Variants in MED8 observed in about 807,000 individuals in gnomAD.
The protein encoded by MED8 is mediator of RNA polymerase II transcription subunit 8.
MED8 carries 22 observed loss-of-function variants against 34.8 expected under a neutral mutation model. That is an observed-to-expected ratio of 0.63 (90% CI 0.45 to 0.90). The LOEUF (loss-of-function observed/expected upper bound fraction) is 0.90, where lower values mean the gene tolerates loss of function less well. Among genes scored for constraint, MED8 ranks in the 40% least tolerant of loss-of-function variants. MED8 has a pLI of 0.00. For missense variants in MED8, 260 were observed against 326.3 expected, an observed-to-expected ratio of 0.80 and a Z score of 1.57; for synonymous variants, 105 against 120.2, an observed-to-expected ratio of 0.87 and a Z score of 0.83.
intron 3 of MED8, 41 bp from the exon 4 acceptor site, chr1:43,387,039 A>C: frequency 6.2e-7 from 1 of 1,605,874 alleles, no homozygotes; most frequent in African/African-American, 1.3e-5. Context: ...CTGTACTCCA[A>C]GAAGATTCTA....
rs778706031 is a variant in MED8, at chr1:43,388,374, C to G, written c.61G>C (p.Asp21His). Residue 21 changes from aspartate (D) to histidine (H), a missense_variant, in exon 2 of 7, where the codon GAT becomes CAT. By Grantham distance (81) the Asp-to-His change is moderately conservative. Coordinates refer to ENST00000372457, the MANE Select transcript of MED8 (RefSeq NM_201542.5). ...AAACTCCCCAGAGAGTTCTTCAGAT[C>G]AGCCACTTGACTCAGCAGTGCATCT... Reference protein sequence around the residue: ...SLDALLSQVADLKNSLGSFIC... With the variant: ...SLDALLSQVAHLKNSLGSFIC... The G allele has an allele frequency of 1.9e-6, 3 of 1,613,608 alleles. No individual in the cohort carries two copies. Among genetic ancestry groups the G allele is most frequent in the Non-Finnish European group, 2.5e-6 (3 of 1,179,910 alleles).
intron 1 of MED8, among the ~76,000 whole-genome samples, 196 bp downstream of exon 1, chr1:43,389,560 GTCA>G (rs1647984090): frequency 1.3e-5 from 2 of 152,202 alleles, no homozygotes; most frequent in African/African-American, 2.4e-5. Context: ...ACTGTCTCCT[GTCA>G]GGCAAGCTCC....
In MED8 at chr1:43,386,003, T is replaced by C. The variant is rs750446010; in HGVS notation, c.717A>G (p.Val239=). ...PSQQQPMLSG[V]QMAQAGQPGK... Reference sequence around the variant, plus strand: ...CTGGTTGACCTGCCTGAGCCATTTGTACCCCACTGAGCATTGGCTGCTGCT... The same window carrying C: ...CTGGTTGACCTGCCTGAGCCATTTGCACCCCACTGAGCATTGGCTGCTGCT... Residue 239 remains valine, a synonymous_variant, in exon 6 of 7, where the codon GTA becomes GTG. Coordinates refer to ENST00000372457, the MANE Select transcript of MED8 (RefSeq NM_201542.5). This position sits in a 1 kb window ranked among gnomAD's most constrained non-coding sequence, Gnocchi z 4.9. 14 of 1,613,894 alleles carry C rather than the reference T, an allele frequency of 8.7e-6. No individual in the cohort carries two copies. The highest frequency in any genetic ancestry group is 1.1e-5 in the Non-Finnish European group (13 of 1,179,892).
chr1:43,384,409 G>C lies in MED8; in HGVS notation c.*633C>G. On this transcript the variant is annotated 3_prime_UTR_variant, in exon 7 of 7. Transcript: ENST00000372457. ...TGACTATTTGACAGGTAAAAGCCAA[G>C]TTGGCTCCTTAGAGGATGGAAAGGA... 6 of 1,553,356 alleles carry C rather than the reference G, an allele frequency of 3.9e-6. No individual in the cohort carries two copies. The highest frequency in any genetic ancestry group is 5.2e-6 in the Non-Finnish European group (6 of 1,150,348).
chr1:43,389,777 G>T lies in MED8; in HGVS notation c.-13C>A. On this transcript the variant is annotated 5_prime_UTR_variant, in exon 1 of 7. Coordinates refer to ENST00000372457, the MANE Select transcript of MED8 (RefSeq NM_201542.5). Reference sequence around the variant, plus strand: ...CTCTCACCTGCATTGCGGCGGCCGAGGCGGCTGCCACGATTTCACTTCCGG... The same window carrying T: ...CTCTCACCTGCATTGCGGCGGCCGATGCGGCTGCCACGATTTCACTTCCGG... The T allele has an allele frequency of 6.2e-7, 1 of 1,609,342 alleles. No individual in the cohort carries two copies. Among genetic ancestry groups the T allele is most frequent in the Non-Finnish European group, 8.5e-7 (1 of 1,177,972 alleles).
chr1:43,386,541 G>T lies in MED8; in HGVS notation c.493+48C>A. On this transcript the variant is annotated intron_variant, in intron 5 of 6. Coordinates refer to ENST00000372457, the MANE Select transcript of MED8 (RefSeq NM_201542.5). The surrounding 1 kb of genome is among the most constrained non-coding windows in gnomAD (Gnocchi z 4.9). Reference sequence around the variant, plus strand: ...CCAAAACAACCATTCCCATTCCAGTGATCTTATATACCTCTCCTTCTCTGT... The same window carrying T: ...CCAAAACAACCATTCCCATTCCAGTTATCTTATATACCTCTCCTTCTCTGT... The T allele has an allele frequency of 6.4e-7, 1 of 1,558,336 alleles. No homozygotes were observed. Among genetic ancestry groups the T allele is most frequent in the Non-Finnish European group, 8.8e-7 (1 of 1,141,986 alleles).
chr1:43,387,371 C>T, intron 3 of MED8, 132 bp downstream of exon 3: 1 of 1,246,216 alleles, frequency 8.0e-7, no homozygotes, highest in Non-Finnish European at 1.1e-6. Context: ...GCTCTCCCGC[C>T]TTCAGAAGAA....
In MED8 at chr1:43,385,016, CAGGG is replaced by C. The variant is rs768012103; in HGVS notation, c.*22_*25del. On this transcript the variant is annotated 3_prime_UTR_variant, in exon 7 of 7. Coordinates refer to ENST00000372457, the MANE Select transcript of MED8 (RefSeq NM_201542.5). ...CACTGCCCAACTCTGCAAAGAGCAC[CAGGG>C]AGTCGAGGTTGCCAGCCACACTCAC... 3.2e-5 allele frequency: 49 copies of C among 1,552,472 alleles called. No homozygotes were observed. Among genetic ancestry groups the C allele is most frequent in the East Asian group, 2.4e-4 (10 of 41,094 alleles).
At chr1:43,385,208 T>G in intron 6 of MED8, 102 bp from the exon 7 acceptor site, 1 of 1,437,822 alleles carries the variant, frequency 7.0e-7, no homozygotes. Flanking sequence ...CTTTATCATC[T>G]CAGAACCTCT....
At chr1:43,388,927 C>G (rs1028222238) in intron 1 of MED8, 3 of 154,202 alleles carry the variant, frequency 1.9e-5, no homozygotes, top group African/African-American at 7.2e-5. Flanking sequence ...ACGACTCCAG[C>G]TTTCCATCTG....
Position 43,384,859 on chromosome 1 carries a change from G to T in MED8, c.*183C>A, listed in dbSNP as rs1024553590. On this transcript the variant is annotated 3_prime_UTR_variant, in exon 7 of 7. Transcript: ENST00000372457. ...ATCACCATTTACAAATGAGAAACAG[G>T]CTCAGAAAAATTAGGTCACTTGTCC... The T allele has an allele frequency of 1.6e-5, 22 of 1,390,926 alleles. No homozygotes were observed. In the East Asian group the frequency reaches 5.1e-4, roughly 32 times the overall value. 86.2% of individuals were successfully genotyped at this position (1,390,926 alleles called of 1,614,324 possible).
At chr1:43,388,263 G>GC (rs745736093) in intron 2 of MED8, 47 bp downstream of exon 2, 35 of 1,577,058 alleles carry the variant, frequency 2.2e-5, no homozygotes, top group African/African-American at 6.7e-5. Flanking sequence ...AGGAGGCTAG[G>GC]CCCCCCCACC....
In MED8 at chr1:43,386,548, T is replaced by C. The variant is rs1440721639; in HGVS notation, c.493+41A>G. The stretch of plus-strand genomic sequence containing the variant: ...AACCATTCCCATTCCAGTGATCTTA[T>C]ATACCTCTCCTTCTCTGTTTAGCCA... On this transcript the variant is annotated intron_variant, in intron 5 of 6. Transcript: ENST00000372457. The surrounding 1 kb of genome is among the most constrained non-coding windows in gnomAD (Gnocchi z 4.9). 1.9e-6 allele frequency: 3 copies of C among 1,575,574 alleles called. No homozygotes were observed. The highest frequency in any genetic ancestry group is 2.6e-6 in the Non-Finnish European group (3 of 1,154,704).
chr1:43,384,578 A>G lies in MED8; in HGVS notation c.*464T>C. On this transcript the variant is annotated 3_prime_UTR_variant, in exon 7 of 7. Coordinates refer to ENST00000372457, the MANE Select transcript of MED8 (RefSeq NM_201542.5). ...CTGCAAAAACAGTGTGCCTCTAAGA[A>G]CACAGAGGTTGCTACAGTTTCTGGC... 6 of 1,583,946 alleles carry G rather than the reference A, an allele frequency of 3.8e-6. No individual in the cohort carries two copies. The highest frequency in any genetic ancestry group is 5.1e-6 in the Non-Finnish European group (6 of 1,167,020).
chr1:43,385,036 C>T lies in MED8; in HGVS notation c.*6G>A. 1 of 1,555,284 alleles carries T rather than the reference C, an allele frequency of 6.4e-7. No individual in the cohort carries two copies. Among genetic ancestry groups the T allele is most frequent in the Non-Finnish European group, 8.7e-7 (1 of 1,148,932 alleles). On this transcript the variant is annotated 3_prime_UTR_variant, in exon 7 of 7. Transcript: ENST00000372457. ...AGCACCAGGGAGTCGAGGTTGCCAG[C>T]CACACTCACCGCTGGTAGGGATGCA...
In MED8 at chr1:43,386,216, C is replaced by T. The variant is rs144941692; in HGVS notation, c.504G>A (p.Pro168=). Residue 168 remains proline, a synonymous_variant, in exon 6 of 7, where the codon CCG becomes CCA. Coordinates refer to ENST00000372457, the MANE Select transcript of MED8 (RefSeq NM_201542.5). The surrounding 1 kb of genome is among the most constrained non-coding windows in gnomAD (Gnocchi z 4.9). ...CTGTAGGGTTAAAGGTCTGCTTGTTCGGCCGGAGACCTGAAGAAAAAGTAA... is the reference window on the plus strand; with the variant it reads ...CTGTAGGGTTAAAGGTCTGCTTGTTTGGCCGGAGACCTGAAGAAAAAGTAA... ...ERESESGGLR[P]NKQTFNPTDT... 3.7e-6 allele frequency: 6 copies of T among 1,612,938 alleles called. No homozygotes were observed. The highest frequency in any genetic ancestry group is 2.2e-5 in the East Asian group (1 of 44,882).
At chr1:43,389,685 C>T in intron 1 of MED8, 74 bp downstream of exon 1, 1 of 1,583,310 alleles carries the variant, frequency 6.3e-7, no homozygotes, top group Non-Finnish European at 8.6e-7. Flanking sequence ...ACTCTTCATT[C>T]TCCTTAGCCA....
chr1:43,389,319 C>A (rs1278762355), intron 1 of MED8, among the ~76,000 whole-genome samples: 1 of 152,188 alleles, frequency 6.6e-6, no homozygotes, highest in African/African-American at 2.4e-5. Flanking sequence ...GCTTAGCTTT[C>A]AGCCATCGCG....
At position 43,386,448 on chromosome 1, in the gene MED8, T is replaced by C; in HGVS notation, c.493+141A>G. ...CCACTGCTTCAGTGCTGGCCTTAAA[T>C]ACAAAAGGCTAACAGAATGGATACA... On this transcript the variant is annotated intron_variant, in intron 5 of 6. Transcript: ENST00000372457. The surrounding 1 kb of genome is among the most constrained non-coding windows in gnomAD (Gnocchi z 4.9). 9.1e-7 allele frequency: 1 copy of C among 1,097,270 alleles called. No individual in the cohort carries two copies. The highest frequency in any genetic ancestry group is 1.3e-6 in the Non-Finnish European group (1 of 767,254). The allele number at this position is 1,097,270 out of a possible 1,614,324, so 68.0% of individuals were successfully genotyped here. A position where few individuals can be genotyped will look rare whatever the true frequency, so the allele number is the denominator to read the frequency against.
Sources: allele counts gnomAD v4.1 joint callset (sites outside exome capture counted in the v4.1 genomes callset), GRCh38; gene constraint gnomAD v4.1.1; non-coding constraint Gnocchi (gnomAD v3.1); transcripts MANE v1.5; gene names NCBI Gene and HGNC (gene_info 2026-07-23, HGNC 2026-07-21).